Variants in ZPLD1 observed in about 807,000 individuals in gnomAD.
ZPLD1 encodes the protein zona pellucida-like domain-containing protein 1.
ZPLD1 carries 34 observed loss-of-function variants against 47.2 expected under a neutral mutation model. The ratio of observed to expected loss-of-function variants is 0.72; its 90% CI spans 0.55 to 0.96. The LOEUF (loss-of-function observed/expected upper bound fraction) is 0.96, where lower values mean the gene tolerates loss of function less well. ZPLD1 is among the 40% of genes least tolerant of loss of function. ZPLD1 has a pLI of 0.00. For synonymous variants in ZPLD1, 176 were observed against 186.2 expected, an observed-to-expected ratio of 0.95 and a Z score of 0.45; for missense variants, 512 against 505.8, an observed-to-expected ratio of 1.01 and a Z score of -0.12.
Position 102,456,358 on chromosome 3 carries a change from A to G in ZPLD1, c.493A>G (p.Asn165Asp). ...TTATCCATTGGAATACCTGGTTAAT[A>G]ATACCCAGCTTGCTTCGTAAGTTTG... is the stretch of plus-strand genomic sequence containing the variant. Reference protein sequence around the residue: ...CSYPLEYLVNNTQLASSSAAI... With the variant: ...CSYPLEYLVNDTQLASSSAAI... The change falls in exon 5 of 12, where the codon AAT becomes GAT. Residue 165 changes from asparagine to aspartate, a missense_variant. Coordinates refer to ENST00000466937, the MANE Select transcript of ZPLD1 (RefSeq NM_001329788.2). The G allele has an allele frequency of 6.2e-7, 1 of 1,611,406 alleles. No individual in the cohort carries two copies. The highest frequency in any genetic ancestry group is 8.5e-7 in the Non-Finnish European group (1 of 1,179,068).
chr3:102,405,161 C>T (rs1037459093), intron 7 of ZPLD1, among the ~76,000 whole-genome samples: 1 of 151,928 alleles, frequency 6.6e-6, no homozygotes, highest in South Asian at 2.1e-4. Context: ...AAGCAAGAGT[C>T]ATAATAAGTG....
chr3:102,423,815 C>A (rs1207295483), intron 8 of ZPLD1, among the ~76,000 whole-genome samples: 1 of 152,102 alleles, frequency 6.6e-6, no homozygotes, highest in African/African-American at 2.4e-5. Context: ...TTTTGTGCTG[C>A]TCAGCTCTGT....
chr3:102,393,574 C>T (rs1239619411), intron 7 of ZPLD1, among the ~76,000 whole-genome samples: 1 of 151,640 alleles, frequency 6.6e-6, no homozygotes, highest in African/African-American at 2.4e-5. Context: ...GGCAAGAAGG[C>T]ATGGCAGAAA....
intron 8 of ZPLD1, among the ~76,000 whole-genome samples, chr3:102,467,102 TAAGGA>T (rs1707606337): frequency 1.3e-5 from 2 of 152,032 alleles, no homozygotes; most frequent in Non-Finnish European, 2.9e-5. Flanking sequence ...AACAAGTAAG[TAAGGA>T]AGTAAGGATA....
chr3:102,440,232 AG>A lies in ZPLD1; in HGVS notation c.106+1641del, dbSNP rs1176986702. Among the ~76,000 whole-genome samples, 12 of 152,338 alleles carry A rather than the reference AG, an allele frequency of 7.9e-5. No homozygotes were observed. In the East Asian group the frequency reaches 1.9e-3, roughly 24 times the overall value. ...GTTTGATGTGGTCACATTTTGTTTTAGGAAGAGACATTAGGACAAGTGTGTA... is the reference window on the plus strand; with the variant it reads ...GTTTGATGTGGTCACATTTTGTTTTAGAAGAGACATTAGGACAAGTGTGTA... On this transcript the variant is annotated intron_variant, in intron 3 of 11. Coordinates refer to ENST00000466937, the MANE Select transcript of ZPLD1 (RefSeq NM_001329788.2).
At chr3:102,450,741 A>G (rs1376788257) in intron 3 of ZPLD1, among the ~76,000 whole-genome samples, 4 of 152,226 alleles carry the variant, frequency 2.6e-5, no homozygotes, top group Non-Finnish European at 5.9e-5. Flanking sequence ...ACAATAGTCC[A>G]GGGGAGAGAT....
At chr3:102,433,579 G>T (rs1198118814), upstream of ZPLD1, among the ~76,000 whole-genome samples, 1 of 152,220 alleles carries the variant, frequency 6.6e-6, no homozygotes, top group Non-Finnish European at 1.5e-5. Context: ...CCAGGCTGGA[G>T]TGCAGTGGCG....
At chr3:102,476,404 C>A (rs1466634918) in intron 10 of ZPLD1, among the ~76,000 whole-genome samples, 1 of 151,978 alleles carries the variant, frequency 6.6e-6, no homozygotes, top group Non-Finnish European at 1.5e-5. Context: ...AGGGAAAAGT[C>A]AAAAATCAAC....
chr3:102,441,780 A>G (rs1707182812), intron 3 of ZPLD1, among the ~76,000 whole-genome samples: 1 of 152,172 alleles, frequency 6.6e-6, no homozygotes, highest in African/African-American at 2.4e-5. Context: ...CTAGTCCTCA[A>G]GTAAGAGGAC....
chr3:102,474,511 C>T (rs531139947), intron 10 of ZPLD1, among the ~76,000 whole-genome samples: 53 of 151,982 alleles, frequency 3.5e-4, no homozygotes, highest in African/African-American at 1.2e-3. Flanking sequence ...AGACTATGAA[C>T]GAACGTAACA....
chr3:102,426,626 T>C (rs1706951679), intron 8 of ZPLD1, among the ~76,000 whole-genome samples: 1 of 152,216 alleles, frequency 6.6e-6, no homozygotes, highest in East Asian at 1.9e-4. Flanking sequence ...CTATGAGTAA[T>C]TTTATGAAAT....
At chr3:102,476,833 G>T (rs1209984887) in intron 10 of ZPLD1, among the ~76,000 whole-genome samples, 179 bp from the exon 11 acceptor site, 1 of 152,054 alleles carries the variant, frequency 6.6e-6, no homozygotes, top group Non-Finnish European at 1.5e-5. Flanking sequence ...AACAGGGCAT[G>T]GACAAGCAGA....
chr3:102,466,086 C>A (rs941803518), intron 8 of ZPLD1, among the ~76,000 whole-genome samples: 2 of 152,110 alleles, frequency 1.3e-5, no homozygotes, highest in African/African-American at 4.8e-5. Flanking sequence ...GAAAAGTATA[C>A]CTTCTAAAGG....
At chr3:102,394,362 T>C (rs540259969) in intron 7 of ZPLD1, among the ~76,000 whole-genome samples, 1 of 152,278 alleles carries the variant, frequency 6.6e-6, no homozygotes, top group African/African-American at 2.4e-5. Context: ...ATAAAATATT[T>C]TTGATTGCTA....
At chr3:102,464,420 G>C (rs1259346902) in intron 8 of ZPLD1, among the ~76,000 whole-genome samples, 169 bp downstream of exon 8, 2 of 152,176 alleles carry the variant, frequency 1.3e-5, no homozygotes, top group African/African-American at 4.8e-5. Context: ...TAAAATTTGA[G>C]AGCAGTTATC....
intron 7 of ZPLD1, among the ~76,000 whole-genome samples, chr3:102,412,923 G>A (rs185791796): frequency 1.7e-4 from 26 of 151,744 alleles, no homozygotes; most frequent in Non-Finnish European, 1.6e-4. Flanking sequence ...CATTGAGGGC[G>A]TATTGGATTA....
At chr3:102,473,842 T>C (rs905805595) in intron 10 of ZPLD1, among the ~76,000 whole-genome samples, 4 of 152,240 alleles carry the variant, frequency 2.6e-5, no homozygotes, top group Admixed American at 2.6e-4. Context: ...AGTTTCACTT[T>C]ATTTTTACCT....
intron 3 of ZPLD1, among the ~76,000 whole-genome samples, chr3:102,446,951 C>T (rs553203005): frequency 2.6e-5 from 4 of 152,258 alleles, no homozygotes; most frequent in Admixed American, 6.5e-5. Context: ...TCCTGAAACA[C>T]GTTGTTGATA....
At chr3:102,432,257 C>T (rs1707024908), upstream of ZPLD1, among the ~76,000 whole-genome samples, 1 of 152,184 alleles carries the variant, frequency 6.6e-6, no homozygotes, top group African/African-American at 2.4e-5. Flanking sequence ...TGAGGCCATG[C>T]CCCTACAGGA....
Sources: allele counts gnomAD v4.1 joint callset (sites outside exome capture counted in the v4.1 genomes callset), GRCh38; gene constraint gnomAD v4.1.1; transcripts MANE v1.5; gene names NCBI Gene and HGNC (gene_info 2026-07-23, HGNC 2026-07-21).